DNAH10: variants seen among roughly 807,000 people sequenced by gnomAD.
The protein encoded by DNAH10 is dynein axonemal heavy chain 10.
In DNAH10, 348 loss-of-function variants were observed where a neutral mutation model predicts 506.6. That is an observed-to-expected ratio of 0.69 (90% confidence interval 0.63 to 0.75). DNAH10 has a LOEUF of 0.75. DNAH10 is among the 30% of genes least tolerant of loss of function. The probability of loss-of-function intolerance (pLI) is 0.00; values close to 1 mark genes in which losing one functional copy is unlikely to be tolerated. For synonymous variants in DNAH10, 2,059 were observed against 2,198.6 expected (o/e 0.94, Z 1.78); for missense variants, 5,179 against 5,787.1 (o/e 0.89, Z 3.41).
chr12:123,914,612 G>A (rs760247823), intron 61 of DNAH10, 62 bp downstream of exon 61: 16 of 1,526,434 alleles, frequency 1.0e-5, no homozygotes, highest in African/African-American at 1.4e-5. Context: ...GTCTACGTGG[G>A]TGTCACCCTG....
At chr12:123,837,942 C>T (rs1043061067) in intron 28 of DNAH10, among the ~76,000 whole-genome samples, 1 of 151,976 alleles carries the variant, frequency 6.6e-6, no homozygotes, top group African/African-American at 2.4e-5. Flanking sequence ...ACAGTTTGAC[C>T]TATTTCAATA....
chr12:123,933,584 G>T, intron 77 of DNAH10, 73 bp downstream of exon 77: 2 of 1,506,084 alleles, frequency 1.3e-6, no homozygotes, highest in Non-Finnish European at 1.8e-6. Context: ...CCAACTCAAA[G>T]GGACAGGCAT....
rs960348179 is a variant in DNAH10 at position 123,924,121 on chromosome 12, G to A, written c.11612-157G>A. On this transcript the variant is annotated intron_variant, in intron 66 of 78. Coordinates refer to ENST00000673944, the MANE Select transcript of DNAH10 (RefSeq NM_001372106.1). ...ATGCTGCACTGAGCGCCTGGTTGGT[G>A]TCACTGGCGGTGACGAGGGCAAGCC... 3 of 1,015,578 alleles carry A rather than the reference G, an allele frequency of 3.0e-6. No homozygotes were observed. The African/African-American group carries it at 4.9e-5, about 17-fold the overall frequency. 62.9% of individuals were successfully genotyped at this position (1,015,578 alleles called of 1,614,324 possible).
In DNAH10 at chr12:123,866,087, C is replaced by G. The variant is rs12423527; in HGVS notation, c.7167+14C>G. The G allele has an allele frequency of 3.8e-6, 6 of 1,579,792 alleles. No individual in the cohort carries two copies. In the African/African-American group the frequency reaches 8.1e-5, roughly 21 times the overall value. ...ATACCAAACAAGGTGAAATTTTTTTCTAAAATGAACTTAAATTTATTAGTA... is the reference window on the plus strand; with the variant it reads ...ATACCAAACAAGGTGAAATTTTTTTGTAAAATGAACTTAAATTTATTAGTA... On this transcript the variant is annotated intron_variant, in intron 41 of 78. Coordinates refer to ENST00000673944, the MANE Select transcript of DNAH10 (RefSeq NM_001372106.1).
Position 123,913,437 on chromosome 12 carries a change from C to A in DNAH10, c.10352+122C>A. The A allele has an allele frequency of 2.9e-6, 3 of 1,034,206 alleles. No homozygotes were observed. The highest frequency in any genetic ancestry group is 2.7e-6 in the Non-Finnish European group (2 of 732,032). 64.1% of individuals were successfully genotyped at this position (1,034,206 alleles called of 1,614,324 possible). On this transcript the variant is annotated intron_variant, in intron 60 of 78. Coordinates refer to ENST00000673944, the MANE Select transcript of DNAH10 (RefSeq NM_001372106.1). The surrounding 1 kb of genome is among the most constrained non-coding windows in gnomAD (Gnocchi z 5.1). ...TTATGTGAAAACCATGTGACCAGGT[C>A]TTATGTTCCTATTATCATGTTTATG...
chr12:123,877,977 A>G, intron 48 of DNAH10, 69 bp downstream of exon 48: 1 of 1,508,592 alleles, frequency 6.6e-7, no homozygotes, highest in Non-Finnish European at 9.0e-7. Flanking sequence ...TTTAAGACAG[A>G]GGGCTTATCA....
rs1183584507 is a variant in DNAH10 at position 123,909,453 on chromosome 12, C to A, written c.9997+11C>A. The A allele has an allele frequency of 2.6e-6, 4 of 1,557,376 alleles. No individual in the cohort carries two copies. The African/African-American group carries it at 5.4e-5, about 21-fold the overall frequency. ...TGAAAAACATCAAAGGTGAGTGTAG[C>A]CACGTGTGGGAATCGCCAGGGTGGA... On this transcript the variant is annotated intron_variant, in intron 58 of 78. Transcript: ENST00000673944. This position sits in a 1 kb window ranked among gnomAD's most constrained non-coding sequence, Gnocchi z 5.4.
Position 123,801,323 on chromosome 12 carries a change from G to C in DNAH10, c.2505G>C (p.Met835Ile). 1.2e-6 allele frequency: 2 copies of C among 1,614,128 alleles called. No homozygotes were observed. Residue 835 changes from methionine (M) to isoleucine (I), a missense_variant, in exon 16 of 79, where the codon ATG becomes ATC. By Grantham distance (10) the Met-to-Ile change is conservative. Around this residue, in one of 3 missense-constraint regions of DNAH10, gnomAD observed 4,844 missense variants for 5,430.5 expected, o/e 0.89. Transcript: ENST00000673944. ...AGCGCATGTTGGATCATTATCACAT[G>C]CTCATAGGAACGTTAAACGATGCGG... ...GIQRMLDHYH[M>I]LIGTLNDAES...
At chr12:123,813,054 TAAA>T (rs1367813403) in intron 19 of DNAH10, 107 bp from the exon 20 acceptor site, 14 of 725,706 alleles carry the variant, frequency 1.9e-5, no homozygotes, top group Admixed American at 5.9e-5. Context: ...TTATTAATAA[TAAA>T]GTGATTTTCC....
chr12:123,816,204 C>T (rs1349518945), intron 21 of DNAH10, among the ~76,000 whole-genome samples: 1 of 152,202 alleles, frequency 6.6e-6, no homozygotes, highest in Non-Finnish European at 1.5e-5. Flanking sequence ...ACAAGAGTGT[C>T]TTTTGTATGC....
chr12:123,809,641 C>T (rs1174620795), intron 19 of DNAH10, among the ~76,000 whole-genome samples: 6 of 124,340 alleles, frequency 4.8e-5, no homozygotes, highest in Non-Finnish European at 8.2e-5. Context: ...AGAGCAAGAC[C>T]GTGTCTCTAA....
chr12:123,879,216 A>G (rs1312492358), intron 48 of DNAH10, 48 bp from the exon 49 acceptor site: 2 of 1,501,030 alleles, frequency 1.3e-6, no homozygotes, highest in African/African-American at 1.4e-5. Flanking sequence ...CAGCCCTGGT[A>G]TCCTTCAGGT....
intron 54 of DNAH10, among the ~76,000 whole-genome samples, chr12:123,897,193 A>G (rs888229176): frequency 1.3e-5 from 2 of 152,148 alleles, no homozygotes; most frequent in Non-Finnish European, 2.9e-5. Flanking sequence ...TCCTTTTTAC[A>G]AGTGAATACT....
At chr12:123,771,460 T>C in intron 2 of DNAH10, 141 bp from the exon 3 acceptor site, 1 of 698,376 alleles carries the variant, frequency 1.4e-6, no homozygotes. Flanking sequence ...ATTTGATTGA[T>C]TGGAACAGAA....
chr12:123,770,792 C>T (rs1030621596), intron 2 of DNAH10, among the ~76,000 whole-genome samples: 6 of 152,058 alleles, frequency 3.9e-5, no homozygotes, highest in African/African-American at 1.2e-4. Flanking sequence ...CTCTAATCAC[C>T]GGCCTTGTTG....
chr12:123,769,731 A>G (rs1433286561), intron 2 of DNAH10, among the ~76,000 whole-genome samples: 7 of 151,834 alleles, frequency 4.6e-5, no homozygotes, highest in Non-Finnish European at 8.8e-5. Context: ...TACCATTTCT[A>G]TGTGGCATTA....
At chr12:123,848,398 T>C (rs1188458781) in intron 33 of DNAH10, among the ~76,000 whole-genome samples, 1 of 152,156 alleles carries the variant, frequency 6.6e-6, no homozygotes, top group Non-Finnish European at 1.5e-5. Flanking sequence ...CAAAAGTCCA[T>C]CTAAAGAGGG....
chr12:123,779,671 G>T (rs2136012448), intron 5 of DNAH10, among the ~76,000 whole-genome samples: 1 of 151,974 alleles, frequency 6.6e-6, no homozygotes, highest in East Asian at 1.9e-4. Flanking sequence ...ATACACCCTG[G>T]TCAAGTCTCT....
At chr12:123,879,947 G>T (rs1952431455) in intron 50 of DNAH10, 146 bp downstream of exon 50, 1 of 988,326 alleles carries the variant, frequency 1.0e-6, no homozygotes, top group Non-Finnish European at 1.5e-6. Context: ...CTGGTCCGGT[G>T]GTTCCCACAT....
Sources: allele counts gnomAD v4.1 joint callset (sites outside exome capture counted in the v4.1 genomes callset), GRCh38; gene constraint gnomAD v4.1.1; regional missense constraint gnomAD v4.1.1; non-coding constraint Gnocchi (gnomAD v3.1); transcripts MANE v1.5; gene names NCBI Gene and HGNC (gene_info 2026-07-23, HGNC 2026-07-21).